Variants in DDAH1 observed in about 807,000 individuals in gnomAD.
DDAH1 encodes the protein N(G),N(G)-dimethylarginine dimethylaminohydrolase 1.
In DDAH1, 19 loss-of-function variants were observed where a neutral mutation model predicts 28.8. The ratio of observed to expected loss-of-function variants is 0.66; its 90% CI spans 0.46 to 0.97. DDAH1 has a LOEUF of 0.97. Among genes scored for constraint, DDAH1 ranks in the 50% least tolerant of loss-of-function variants. The pLI is 0.00. For synonymous variants in DDAH1, 153 were observed against 154.4 expected (o/e 0.99, Z 0.07); for missense variants, 326 against 375.9 (o/e 0.87, Z 1.10).
chr1:85,355,859 T>C (rs1397164922), intron 2 of DDAH1, among the ~76,000 whole-genome samples: 1 of 152,102 alleles, frequency 6.6e-6, no homozygotes, highest in Non-Finnish European at 1.5e-5. Context: ...AGATCAAAAG[T>C]AGAAAAATCA....
chr1:85,347,201 A>G (rs1211342417), intron 4 of DDAH1, among the ~76,000 whole-genome samples: 1 of 152,254 alleles, frequency 6.6e-6, no homozygotes, highest in Non-Finnish European at 1.5e-5. Flanking sequence ...TGTGGAAGAC[A>G]GTGTGGCGAT....
At chr1:85,489,893 G>C (rs1232309375) in intron 2 of DDAH1, among the ~76,000 whole-genome samples, 1 of 152,152 alleles carries the variant, frequency 6.6e-6, no homozygotes. Context: ...ATTTTATATT[G>C]ATGGTTTTTT....
chr1:85,456,209 T>C (rs757583600), intron 1 of DDAH1, among the ~76,000 whole-genome samples: 1 of 152,236 alleles, frequency 6.6e-6, no homozygotes, highest in Non-Finnish European at 1.5e-5. Context: ...CTGTAGCTCA[T>C]GCAAAATTCA....
At position 85,464,799 on chromosome 1, in the gene DDAH1, C is replaced by G. The variant is rs200661380; in HGVS notation, c.247G>C (p.Val83Leu). 7.1e-5 allele frequency: 112 copies of G among 1,585,010 alleles called. No individual in the cohort carries two copies. The highest frequency in any genetic ancestry group is 9.4e-6 in the Non-Finnish European group (11 of 1,173,024). ...DCVFVEDVAV[V>L]CEETALITRP... ...GTGATGAGGGCCGTCTCCTCGCACA[C>G]CACGGCCACGTCCTCCACGAAGACG... Residue 83 changes from valine (V) to leucine (L), a missense_variant, in exon 1 of 6, where the codon GTG (valine) becomes CTG (leucine). Coordinates refer to ENST00000284031, the MANE Select transcript of DDAH1 (RefSeq NM_012137.4). This position sits in a 1 kb window ranked among gnomAD's most constrained non-coding sequence, Gnocchi z 4.4.
At chr1:85,431,748 G>A (rs935004313) in intron 1 of DDAH1, among the ~76,000 whole-genome samples, 13 of 152,138 alleles carry the variant, frequency 8.5e-5, no homozygotes, top group Admixed American at 7.2e-4. Flanking sequence ...CAATGCTAAT[G>A]CTTGGAGATA....
At chr1:85,390,961 T>A (rs1651519852) in intron 1 of DDAH1, among the ~76,000 whole-genome samples, 1 of 152,174 alleles carries the variant, frequency 6.6e-6, no homozygotes, top group Admixed American at 6.5e-5. Flanking sequence ...TTTCTATAAT[T>A]AGGCAGAGAG....
chr1:85,507,802 A>T (rs952912723), intron 1 of DDAH1, among the ~76,000 whole-genome samples: 1 of 152,196 alleles, frequency 6.6e-6, no homozygotes, highest in African/African-American at 2.4e-5. Flanking sequence ...TCCCCACATA[A>T]AAATGACTTT....
At chr1:85,479,322 C>T (rs868674392) in intron 2 of DDAH1, among the ~76,000 whole-genome samples, 184 of 151,038 alleles carry the variant, frequency 1.2e-3, no homozygotes, top group Non-Finnish European at 1.9e-3. Flanking sequence ...TACAGGCGCC[C>T]GCCACCGCGC....
chr1:85,415,294 G>A (rs946952459), intron 1 of DDAH1, among the ~76,000 whole-genome samples: 1 of 152,120 alleles, frequency 6.6e-6, no homozygotes, highest in African/African-American at 2.4e-5. Context: ...GATTACAGGT[G>A]TGAAACCACT....
At chr1:85,532,480 C>T (rs1230002629) in intron 1 of DDAH1, among the ~76,000 whole-genome samples, 11 of 152,136 alleles carry the variant, frequency 7.2e-5, no homozygotes, top group East Asian at 3.8e-4. Context: ...AGTTTCACCA[C>T]GTTTGCGATG....
At chr1:85,394,903 A>T (rs908424828) in intron 1 of DDAH1, among the ~76,000 whole-genome samples, 7 of 152,224 alleles carry the variant, frequency 4.6e-5, no homozygotes, top group Non-Finnish European at 8.8e-5. Flanking sequence ...AAAAATGATT[A>T]AAGTATAGAT....
At chr1:85,406,396 A>C (rs1240918030) in intron 1 of DDAH1, among the ~76,000 whole-genome samples, 2 of 152,154 alleles carry the variant, frequency 1.3e-5, no homozygotes, top group Admixed American at 1.3e-4. Context: ...TGTAGTCCAA[A>C]TTATCCCCAT....
At chr1:85,414,281 A>T (rs956428179) in intron 1 of DDAH1, among the ~76,000 whole-genome samples, 1 of 152,248 alleles carries the variant, frequency 6.6e-6, no homozygotes, top group Non-Finnish European at 1.5e-5. Flanking sequence ...TTAGTTCTCC[A>T]TATACGGTGT....
rs192463268 is a variant in DDAH1 at position 85,484,118 on chromosome 1, T to C, written c.-7+12048A>G. ...TTCTCAGTACATTTTAAAGGTTGCC[T>C]CTAGGCCCAAACATTTCTTAATCTC... is the stretch of plus-strand genomic sequence containing the variant. On this transcript the variant is annotated intron_variant, in intron 2 of 6. Transcript: ENST00000426972. 1.2e-3 allele frequency among the ~76,000 whole-genome samples: 188 copies of C among 151,418 alleles called. 2 individuals carry two copies. Among genetic ancestry groups the C allele is most frequent in the Middle Eastern group, 0.01 (3 of 292 alleles).
At chr1:85,554,278 T>TTG (rs1658895020) in intron 1 of DDAH1, among the ~76,000 whole-genome samples, 1 of 145,576 alleles carries the variant, frequency 6.9e-6, no homozygotes, top group Non-Finnish European at 1.5e-5. Flanking sequence ...TTGTAAGAGT[T>TTG]TTTTTTTTTT....
chr1:85,361,492 A>G (rs1010457893), intron 1 of DDAH1, among the ~76,000 whole-genome samples: 1 of 152,220 alleles, frequency 6.6e-6, no homozygotes, highest in African/African-American at 2.4e-5. Flanking sequence ...ATTAATTCCA[A>G]CGGCTGAGCT....
chr1:85,539,735 C>A (rs1275542283), intron 1 of DDAH1, among the ~76,000 whole-genome samples: 2 of 152,000 alleles, frequency 1.3e-5, no homozygotes, highest in African/African-American at 4.8e-5. Flanking sequence ...TAGTAGTGTC[C>A]CAGATAGGTT....
intron 1 of DDAH1, among the ~76,000 whole-genome samples, chr1:85,390,260 T>C (rs1233530852): frequency 6.6e-6 from 1 of 152,182 alleles, no homozygotes; most frequent in Admixed American, 6.5e-5. Context: ...AATGGCCAAA[T>C]TGGAGAACTG....
At chr1:85,397,923 G>A (rs780003279) in intron 1 of DDAH1, among the ~76,000 whole-genome samples, 3 of 151,938 alleles carry the variant, frequency 2.0e-5, no homozygotes, top group Non-Finnish European at 4.4e-5. Context: ...GCCCCTCACC[G>A]GAAGTTGAGG....
Sources: allele counts gnomAD v4.1 joint callset (sites outside exome capture counted in the v4.1 genomes callset), GRCh38; gene constraint gnomAD v4.1.1; non-coding constraint Gnocchi (gnomAD v3.1); transcripts MANE v1.5; gene names NCBI Gene and HGNC (gene_info 2026-07-23, HGNC 2026-07-21).